BBX: variants seen among roughly 807,000 people sequenced by gnomAD.
The protein encoded by BBX is HMG box transcription factor BBX.
BBX carries 30 observed loss-of-function variants against 100.2 expected under a neutral mutation model. The observed-to-expected ratio is 0.30, with a 90% confidence interval of 0.22 to 0.41. The LOEUF (loss-of-function observed/expected upper bound fraction) is 0.41. Ranked by LOEUF, BBX falls within the 10% of genes least tolerant of loss-of-function variation. The probability of loss-of-function intolerance (pLI) is 1.00; values close to 1 mark genes in which losing one functional copy is unlikely to be tolerated. For synonymous variants in BBX, 376 were observed against 388.1 expected, an observed-to-expected ratio of 0.97 and a Z score of 0.37; for missense variants, 1,023 against 1,129.8, an observed-to-expected ratio of 0.91 and a Z score of 1.35.
chr3:107,651,630 A>G (rs1414316970), intron 3 of BBX, among the ~76,000 whole-genome samples: 1 of 152,200 alleles, frequency 6.6e-6, no homozygotes, highest in African/African-American at 2.4e-5. Context: ...TTGAGAATGC[A>G]AACAAGGAAA....
At chr3:107,679,139 A>AT (rs1483936607) in intron 3 of BBX, among the ~76,000 whole-genome samples, 1 of 138,778 alleles carries the variant, frequency 7.2e-6, no homozygotes, top group Non-Finnish European at 1.7e-5. Context: ...TAAGGGCTTC[A>AT]TTAAAAAAAA....
chr3:107,740,858 C>T (rs1184571867), intron 7 of BBX, among the ~76,000 whole-genome samples: 2 of 151,022 alleles, frequency 1.3e-5, no homozygotes, highest in African/African-American at 4.9e-5. Flanking sequence ...AATATTCTAC[C>T]ATTATGCACT....
chr3:107,699,666 G>A (rs2060902233), intron 3 of BBX, among the ~76,000 whole-genome samples: 1 of 151,826 alleles, frequency 6.6e-6, no homozygotes, highest in Admixed American at 6.5e-5. Flanking sequence ...ACAGCTGATT[G>A]CAGTGATTTC....
chr3:107,595,008 C>A (rs1240423816), intron 2 of BBX, among the ~76,000 whole-genome samples: 1 of 152,174 alleles, frequency 6.6e-6, no homozygotes, highest in African/African-American at 2.4e-5. Context: ...AACACGATGT[C>A]CCACAGGAAT....
chr3:107,723,418 T>A (rs975330115), intron 5 of BBX, among the ~76,000 whole-genome samples: 1 of 152,042 alleles, frequency 6.6e-6, no homozygotes. Flanking sequence ...TTTTTTAATT[T>A]TTTTTATTAT....
intron 3 of BBX, among the ~76,000 whole-genome samples, chr3:107,682,092 A>T (rs2059599989): frequency 6.6e-6 from 1 of 152,180 alleles, no homozygotes; most frequent in African/African-American, 2.4e-5. Context: ...TACTTCACAT[A>T]AAACTAATTT....
chr3:107,784,731 C>T (rs926362521), intron 13 of BBX, among the ~76,000 whole-genome samples: 3 of 151,672 alleles, frequency 2.0e-5, no homozygotes, highest in African/African-American at 7.3e-5. Flanking sequence ...GTAGCCTAGC[C>T]TTCTACTGTA....
chr3:107,744,773 T>A, intron 8 of BBX, 63 bp downstream of exon 8: 1 of 1,309,536 alleles, frequency 7.6e-7, no homozygotes, highest in Non-Finnish European at 1.1e-6. Flanking sequence ...AAATTGGGGC[T>A]GATAACAGTA....
chr3:107,725,438 A>G (rs1378447098), intron 5 of BBX, among the ~76,000 whole-genome samples: 1 of 152,104 alleles, frequency 6.6e-6, no homozygotes, highest in Non-Finnish European at 1.5e-5. Flanking sequence ...AGAACTTCCA[A>G]CACTATGTTG....
chr3:107,613,846 T>G (rs2055035263), intron 2 of BBX, among the ~76,000 whole-genome samples: 1 of 152,084 alleles, frequency 6.6e-6, no homozygotes, highest in African/African-American at 2.4e-5. Context: ...TTTTTTCCCT[T>G]GTTGTTTTTA....
chr3:107,625,946 CATATA>C lies in BBX; in HGVS notation c.-83-19884_-83-19880del, dbSNP rs533672973. Among the ~76,000 whole-genome samples the C allele has an allele frequency of 8.5e-4, 130 of 152,066 alleles. 1 individual carries two copies. The highest frequency in any genetic ancestry group is 2.9e-3 in the African/African-American group (119 of 41,470). ...TGGGGTACATAGTGATGTTTTCATA[CATATA>C]ATATATATACCTTACATCTTGAGTT... is the stretch of plus-strand genomic sequence containing the variant. On this transcript the variant is annotated intron_variant, in intron 2 of 17. Coordinates refer to ENST00000325805, the MANE Select transcript of BBX (RefSeq NM_001142568.3).
At chr3:107,580,661 GCT>G (rs1407134622) in intron 2 of BBX, among the ~76,000 whole-genome samples, 2 of 151,526 alleles carry the variant, frequency 1.3e-5, no homozygotes, top group Non-Finnish European at 2.9e-5. Flanking sequence ...ACAGAGTTTT[GCT>G]CTTTTTTGCC....
rs116202163 is a variant in BBX, at chr3:107,639,011, T to C, written c.-83-6825T>C. On this transcript the variant is annotated intron_variant, in intron 2 of 17. Transcript: ENST00000325805. Reference sequence around the variant, plus strand: ...CTCAAAAAAGCAAAGGAATATGTTATAATTTTTGATCATAATATGCTGTTA... The same window carrying C: ...CTCAAAAAAGCAAAGGAATATGTTACAATTTTTGATCATAATATGCTGTTA... 3.0e-3 allele frequency among the ~76,000 whole-genome samples: 451 copies of C among 152,160 alleles called. 2 individuals are homozygous for C. The highest frequency in any genetic ancestry group is 5.0e-3 in the African/African-American group (207 of 41,534).
At chr3:107,643,735 ACT>A (rs2057357168) in intron 2 of BBX, among the ~76,000 whole-genome samples, 1 of 152,036 alleles carries the variant, frequency 6.6e-6, no homozygotes, top group Admixed American at 6.5e-5. Context: ...AAATCAGTAC[ACT>A]CTCTGAAATA....
intron 3 of BBX, among the ~76,000 whole-genome samples, chr3:107,701,443 A>T (rs2061043059): frequency 6.6e-6 from 1 of 152,222 alleles, no homozygotes; most frequent in Non-Finnish European, 1.5e-5. Flanking sequence ...TAAAGAAATT[A>T]ATTCATGTAA....
intron 3 of BBX, among the ~76,000 whole-genome samples, chr3:107,699,179 C>G (rs2060871291): frequency 6.6e-6 from 1 of 151,690 alleles, no homozygotes; most frequent in Non-Finnish European, 1.5e-5. Flanking sequence ...GTGTAGGGTG[C>G]TGTGGAGACA....
intron 2 of BBX, among the ~76,000 whole-genome samples, chr3:107,589,960 A>G (rs2053178855): frequency 6.6e-6 from 1 of 152,162 alleles, no homozygotes; most frequent in Admixed American, 6.5e-5. Context: ...TTTGGGGTCT[A>G]ATATGGTACT....
intron 10 of BBX, among the ~76,000 whole-genome samples, chr3:107,762,955 G>A (rs2066015341): frequency 6.6e-6 from 1 of 152,152 alleles, no homozygotes; most frequent in South Asian, 2.1e-4. Context: ...TGATAGTTCA[G>A]TGTACACAAA....
At chr3:107,707,568 G>A (rs1483346296) in intron 3 of BBX, among the ~76,000 whole-genome samples, 2 of 152,060 alleles carry the variant, frequency 1.3e-5, no homozygotes, top group Non-Finnish European at 2.9e-5. Flanking sequence ...ATAATTGAAG[G>A]GAAAATGTGG....
Sources: allele counts gnomAD v4.1 joint callset (sites outside exome capture counted in the v4.1 genomes callset), GRCh38; gene constraint gnomAD v4.1.1; transcripts MANE v1.5; gene names NCBI Gene and HGNC (gene_info 2026-07-23, HGNC 2026-07-21).